The following ZNF32 variants were observed in gnomAD, a reference collection of about 807,000 sequenced individuals.
The protein encoded by ZNF32 is C2H2-546.
ZNF32 carries 13 observed loss-of-function variants against 24.4 expected under a neutral mutation model. The observed-to-expected ratio is 0.53, with a 90% CI of 0.35 to 0.85. The LOEUF is 0.85. ZNF32 is among the 40% of genes least tolerant of loss of function. The pLI, the probability that ZNF32 is intolerant of heterozygous loss-of-function variation, is 0.01. For missense variants in ZNF32, 239 were observed against 325.3 expected (o/e 0.73, Z 2.04); for synonymous variants, 115 against 117.4 (o/e 0.98, Z 0.13).
rs184512649 is a variant in ZNF32 at position 43,646,036 on chromosome 10, G to A, written c.70+28C>T. The A allele has an allele frequency of 1.3e-4, 208 of 1,613,460 alleles. 1 individual carries two copies. The African/African-American group carries it at 2.2e-3, about 17-fold the overall frequency. ...GACACTGAATATCTGTGAGCTGAGCGCATCCAGCCATCAACTGACTCACTC... is the reference window on the plus strand; with the variant it reads ...GACACTGAATATCTGTGAGCTGAGCACATCCAGCCATCAACTGACTCACTC... On this transcript the variant is annotated intron_variant, in intron 2 of 2. Coordinates refer to ENST00000374433, the MANE Select transcript of ZNF32 (RefSeq NM_006973.3).
At position 43,643,980 on chromosome 10, in the gene ZNF32, G is replaced by T. The variant is rs529590393; in HGVS notation, c.*70C>A. ...ATTCTCCATTCATTCCATAGAACTG[G>T]ATAGGTTGCTTCATCTCAGAGGATT... is the stretch of plus-strand genomic sequence containing the variant. On this transcript the variant is annotated 3_prime_UTR_variant, in exon 3 of 3. Transcript: ENST00000374433. 7 of 1,483,826 alleles carry T rather than the reference G, an allele frequency of 4.7e-6. 1 individual carries two copies. The South Asian group carries it at 8.2e-5, about 17-fold the overall frequency. 91.9% of individuals were successfully genotyped at this position (1,483,826 alleles called of 1,614,324 possible).
rs1256949578 is a variant in ZNF32 at position 43,644,554 on chromosome 10, C to A, written c.318G>T (p.Glu106Asp). Residue 106 changes from glutamate to aspartate, a missense_variant, in exon 3 of 3, where the codon GAG (glutamate) becomes GAT (aspartate). Coordinates refer to ENST00000374433, the MANE Select transcript of ZNF32 (RefSeq NM_006973.3). This position sits in a 1 kb window ranked among gnomAD's most constrained non-coding sequence, Gnocchi z 5.3. ...ERIHTGQKPF[E>D]CTHCGKSFRA... Reference sequence around the variant, plus strand: ...TGAAGCTTTTTCCACAGTGGGTGCACTCAAAAGGCTTTTGACCAGTGTGGA... The same window carrying A: ...TGAAGCTTTTTCCACAGTGGGTGCAATCAAAAGGCTTTTGACCAGTGTGGA... 1.9e-6 allele frequency: 3 copies of A among 1,613,868 alleles called. No homozygotes were observed. In the East Asian group the frequency reaches 6.7e-5, roughly 36 times the overall value.
At chr10:43,648,321 C>T (rs2132385810) in intron 1 of ZNF32, among the ~76,000 whole-genome samples, 1 of 152,332 alleles carries the variant, frequency 6.6e-6, no homozygotes, top group Admixed American at 6.5e-5. Context: ...GGGCCAGTTT[C>T]AGGTTTAGGA....
rs1839185954 is a variant in ZNF32 at position 43,643,866 on chromosome 10, G to GATGTTTT, written c.*183_*184insAAAACAT. The GATGTTTT allele has an allele frequency of 1.6e-6, 1 of 631,276 alleles. No homozygotes were observed. The highest frequency in any genetic ancestry group is 1.8e-5 in the African/African-American group (1 of 54,532). The allele number at this position is 631,276 out of a possible 1,614,324, so 39.1% of individuals were successfully genotyped here. A position where few individuals can be genotyped will look rare whatever the true frequency, so the allele number is the denominator to read the frequency against. On this transcript the variant is annotated 3_prime_UTR_variant, in exon 3 of 3. Coordinates refer to ENST00000374433, the MANE Select transcript of ZNF32 (RefSeq NM_006973.3). ...GAAATTATAAAACATACATGATAAT[G>GATGTTTT]ATAATAAACAAGACATTTATTTTTC...
chr10:43,646,341 A>ATCACTGCAAAATG, intron 1 of ZNF32, 139 bp from the exon 2 acceptor site: 1 of 579,084 alleles, frequency 1.7e-6, no homozygotes, highest in East Asian at 3.1e-5. Context: ...TTACTAAAAT[A>ATCACTGCAAAATG]TCACTGCAAA....
intron 1 of ZNF32, 46 bp downstream of exon 1, chr10:43,648,756 C>G (rs1368200908): frequency 2.6e-5 from 4 of 152,058 alleles, no homozygotes; most frequent in Non-Finnish European, 4.4e-5. Context: ...GATGGCGCAG[C>G]CCCGCCTTGC....
At chr10:43,646,018 A>G in intron 2 of ZNF32, 46 bp downstream of exon 2, 1 of 1,612,128 alleles carries the variant, frequency 6.2e-7, no homozygotes, top group Non-Finnish European at 8.5e-7. Flanking sequence ...AGGGACACTG[A>G]ATATCTGTGA....
chr10:43,645,723 T>C (rs1017621224), intron 2 of ZNF32, among the ~76,000 whole-genome samples: 25 of 152,180 alleles, frequency 1.6e-4, no homozygotes, highest in Non-Finnish European at 4.4e-5. Context: ...ACTTTAAATA[T>C]GGGTCCATTC....
rs1267240022 is a variant in ZNF32 at position 43,644,939 on chromosome 10, A to G, written c.71-138T>C. On this transcript the variant is annotated intron_variant, in intron 2 of 2. Transcript: ENST00000374433. The surrounding 1 kb of genome is among the most constrained non-coding windows in gnomAD (Gnocchi z 5.3). Reference sequence around the variant, plus strand: ...CATAGACAATGCAATCCTGAAAACAATGCCATGAGAGTGATACAGATAATG... The same window carrying G: ...CATAGACAATGCAATCCTGAAAACAGTGCCATGAGAGTGATACAGATAATG... The G allele has an allele frequency of 4.0e-6, 4 of 988,416 alleles. No individual in the cohort carries two copies. In the African/African-American group the frequency reaches 6.6e-5, roughly 16 times the overall value. The allele number at this position is 988,416 out of a possible 1,614,324, so 61.2% of individuals were successfully genotyped here. A position where few individuals can be genotyped will look rare whatever the true frequency, so the allele number is the denominator to read the frequency against.
chr10:43,644,503 A>T lies in ZNF32; in HGVS notation c.369T>A (p.His123Gln). 6.2e-7 allele frequency: 1 copy of T among 1,614,124 alleles called. No individual in the cohort carries two copies. The highest frequency in any genetic ancestry group is 8.5e-7 in the Non-Finnish European group (1 of 1,180,024). ...GCTTCTCTCCCGTGTGTATCCGTTG[A>T]TGTGTAACAAGATTGCCTTTGGCCC... ...SFRAKGNLVT[H>Q]QRIHTGEKPY... The change falls in exon 3 of 3, where the codon CAT becomes CAA. Residue 123 changes from histidine to glutamine, a missense_variant. Physicochemically the swap from His to Gln is conservative, Grantham distance 24 (BLOSUM62 0). Transcript: ENST00000374433. The surrounding 1 kb of genome is among the most constrained non-coding windows in gnomAD (Gnocchi z 5.3).
At position 43,644,088 on chromosome 10, in the gene ZNF32, C is replaced by T; in HGVS notation, c.784G>A (p.Val262Met). The part of the protein sequence containing the change: ...KSFTQRGSLA[V>M]HQRSCSQRLT... ...CTCTGTGAGCAGCTTCGCTGGTGCA[C>T]AGCCAGACTCCCTCTCTGGGTGAAG... Residue 262 changes from valine to methionine, a missense_variant, in exon 3 of 3, where the codon GTG (valine) becomes ATG (methionine). By Grantham distance (21) the Val-to-Met change is conservative (BLOSUM62 1). Transcript: ENST00000374433. The surrounding 1 kb of genome is among the most constrained non-coding windows in gnomAD (Gnocchi z 5.3). 1 of 1,614,060 alleles carries T rather than the reference C, an allele frequency of 6.2e-7. No individual in the cohort carries two copies.
intron 2 of ZNF32, chr10:43,645,859 T>C: frequency 8.9e-7 from 1 of 1,129,868 alleles, no homozygotes; most frequent in Admixed American, 3.5e-5. Flanking sequence ...ACTTCAACGC[T>C]ACCTCCATAT....
intron 1 of ZNF32, 45 bp downstream of exon 1, chr10:43,648,757 C>G (rs918077567): frequency 1.3e-5 from 2 of 152,162 alleles, no homozygotes; most frequent in East Asian, 1.9e-4. Context: ...ATGGCGCAGC[C>G]CCGCCTTGCC....
rs868283381 is a variant in ZNF32, at chr10:43,646,192, T to A, written c.-59A>T. ...CTTCATATGATTCTTCCATGGGCTGTTCCTGAGCACCTGAGGGAGAAAAAC... is the reference window on the plus strand; with the variant it reads ...CTTCATATGATTCTTCCATGGGCTGATCCTGAGCACCTGAGGGAGAAAAAC... On this transcript the variant is annotated 5_prime_UTR_variant, in exon 2 of 3. Transcript: ENST00000374433. 3 of 1,592,648 alleles carry A rather than the reference T, an allele frequency of 1.9e-6. No individual in the cohort carries two copies. Among genetic ancestry groups the A allele is most frequent in the Middle Eastern group, 1.7e-4 (1 of 6,000 alleles).
At chr10:43,646,433 A>G (rs777152828) in intron 1 of ZNF32, 38 of 312,212 alleles carry the variant, frequency 1.2e-4, no homozygotes, top group Non-Finnish European at 2.0e-4. Flanking sequence ...ACATAAACAT[A>G]TATCTCTTCC....
At chr10:43,647,830 AAT>A (rs1287669972) in intron 1 of ZNF32, 1 of 152,210 alleles carries the variant, frequency 6.6e-6, no homozygotes, top group East Asian at 1.9e-4. Flanking sequence ...ATTAGAGTAG[AAT>A]TCACAGCTCT....
At position 43,644,220 on chromosome 10, in the gene ZNF32, C is replaced by G; in HGVS notation, c.652G>C (p.Ala218Pro). The stretch of plus-strand genomic sequence containing the variant: ...AAACTCTTCCTGCACTGGGTACAGG[C>G]ATAGGGCTTCAGGCCTGTGTGGACT... ...IRVHTGLKPY[A>P]CTQCRKSFHT... Residue 218 changes from alanine (A) to proline (P), a missense_variant, in exon 3 of 3, where the codon GCC becomes CCC. Coordinates refer to ENST00000374433, the MANE Select transcript of ZNF32 (RefSeq NM_006973.3). This position sits in a 1 kb window ranked among gnomAD's most constrained non-coding sequence, Gnocchi z 5.3. The G allele has an allele frequency of 6.2e-7, 1 of 1,614,220 alleles. No individual in the cohort carries two copies. Among genetic ancestry groups the G allele is most frequent in the Non-Finnish European group, 8.5e-7 (1 of 1,180,048 alleles).
chr10:43,645,022 T>C (rs1040578809), intron 2 of ZNF32: 25 of 531,816 alleles, frequency 4.7e-5, no homozygotes, highest in African/African-American at 3.2e-4. Flanking sequence ...CTGACTCAAA[T>C]AGGCATTCTC....
rs760275616 is a variant in ZNF32, at chr10:43,644,665, T to A, written c.207A>T (p.Ser69=). 6 of 1,614,188 alleles carry A rather than the reference T, an allele frequency of 3.7e-6. No individual in the cohort carries two copies. The highest frequency in any genetic ancestry group is 8.5e-7 in the Non-Finnish European group (1 of 1,180,038). The change falls in exon 3 of 3, where the codon TCA becomes TCT. Residue 69 remains serine, a synonymous_variant. Transcript: ENST00000374433. This position sits in a 1 kb window ranked among gnomAD's most constrained non-coding sequence, Gnocchi z 5.3. ...CATAGACCCTTTGTCTCACTCCAGGTGAATCTTCCTGTAGTGTCTTCGAAT... is the reference window on the plus strand; with the variant it reads ...CATAGACCCTTTGTCTCACTCCAGGAGAATCTTCCTGTAGTGTCTTCGAAT... ...SPDSKTLQED[S]PGVRQRVYEC...
Sources: gnomAD v4.1 joint callset for allele counts (sites outside exome capture counted in the v4.1 genomes callset) on GRCh38, gnomAD v4.1.1 for gene constraint, Gnocchi (gnomAD v3.1) non-coding constraint, MANE v1.5 for transcripts, NCBI Gene and HGNC (gene_info 2026-07-23, HGNC 2026-07-21) for gene names.